ANKRD17: variants seen among roughly 807,000 people sequenced by gnomAD.
The protein encoded by ANKRD17 is ankyrin repeat domain-containing protein 17.
A neutral mutation model predicts 229.7 loss-of-function variants in ANKRD17; 19 were observed. That is an observed-to-expected ratio of 0.08 (90% CI 0.06 to 0.12). ANKRD17 has a LOEUF of 0.12. Among genes scored for constraint, ANKRD17 ranks in the 10% least tolerant of loss-of-function variants. The pLI is 1.00. For synonymous variants in ANKRD17, 1,112 were observed against 1,146.1 expected (o/e 0.97, Z 0.60); for missense variants, 2,176 against 3,176.8 (o/e 0.68, Z 7.57).
At chr4:73,255,735 T>C (rs1745394471) in intron 1 of ANKRD17, among the ~76,000 whole-genome samples, 1 of 152,170 alleles carries the variant, frequency 6.6e-6, no homozygotes, top group Non-Finnish European at 1.5e-5. Context: ...ACACTTTTTT[T>C]TTTTTGAGAC....
intron 1 of ANKRD17, among the ~76,000 whole-genome samples, chr4:73,195,399 C>T (rs1282873390): frequency 2.0e-5 from 3 of 152,064 alleles, no homozygotes; most frequent in African/African-American, 7.2e-5. Flanking sequence ...AATGTAATCC[C>T]TCATCATATA....
rs36126530 is a variant in ANKRD17, at chr4:73,208,188, CAAAAAAAAAA to C, written c.394-30665_394-30656del. ...TGGGCGACACAGCGAGACTCCGTCT[CAAAAAAAAAA>C]AAAAAAAAAAAAAACTTGAACATTA... On this transcript the variant is annotated intron_variant, in intron 1 of 33. Transcript: ENST00000358602. Among the ~76,000 whole-genome samples the C allele has an allele frequency of 1.0e-3, 71 of 67,964 alleles. No homozygotes were observed. In the East Asian group the frequency reaches 0.03, roughly 29 times the overall value. The allele number at this position is 67,964 out of a possible 152,430, so 44.6% of individuals were successfully genotyped here. A position where few individuals can be genotyped will look rare whatever the true frequency, so the allele number is the denominator to read the frequency against.
chr4:73,158,186 A>AAGAAAGAAAGAAAGAAAGAAAGAAAGAG (rs963284200), intron 3 of ANKRD17, among the ~76,000 whole-genome samples: 121 of 112,026 alleles, frequency 1.1e-3, no homozygotes, highest in African/African-American at 1.6e-3. Context: ...GAAAGAAAGA[A>AAGAAAGAAAGAAAGAAAGAAAGAAAGAG]AGAGAGAGAA....
intron 23 of ANKRD17, among the ~76,000 whole-genome samples, chr4:73,115,186 T>C (rs1357318608): frequency 6.6e-6 from 1 of 152,242 alleles, no homozygotes; most frequent in Non-Finnish European, 1.5e-5. Context: ...GGTATCAGTC[T>C]GGATAAACAC....
At chr4:73,170,693 TG>T (rs1733874449) in intron 2 of ANKRD17, among the ~76,000 whole-genome samples, 1 of 152,158 alleles carries the variant, frequency 6.6e-6, no homozygotes, top group Non-Finnish European at 1.5e-5. Context: ...ACAAGCTGAC[TG>T]AAGAGCCCTT....
At chr4:73,232,380 C>T (rs1048188384) in intron 1 of ANKRD17, among the ~76,000 whole-genome samples, 1 of 152,116 alleles carries the variant, frequency 6.6e-6, no homozygotes, top group African/African-American at 2.4e-5. Context: ...TTTAGAGGCA[C>T]TGGAAGGAAG....
intron 29 of ANKRD17, 138 bp downstream of exon 29, chr4:73,090,529 C>A (rs1722692864): frequency 9.4e-7 from 1 of 1,067,626 alleles, no homozygotes; most frequent in Non-Finnish European, 1.3e-6. Flanking sequence ...TAAACACAAA[C>A]AACAGCATCT....
intron 24 of ANKRD17, 90 bp from the exon 25 acceptor site, chr4:73,102,637 T>C (rs567063042): frequency 2.1e-6 from 3 of 1,443,522 alleles, no homozygotes; most frequent in South Asian, 1.3e-5. Context: ...AAGGAAACCA[T>C]GATATCATAA....
intron 1 of ANKRD17, among the ~76,000 whole-genome samples, chr4:73,188,441 C>T (rs1376906764): frequency 2.6e-5 from 4 of 151,882 alleles, no homozygotes; most frequent in East Asian, 1.9e-4. Flanking sequence ...AAAAATTAGC[C>T]GGGCATGGTG....
intron 1 of ANKRD17, among the ~76,000 whole-genome samples, chr4:73,200,146 A>T (rs1226252904): frequency 1.3e-5 from 2 of 152,158 alleles, no homozygotes; most frequent in Non-Finnish European, 2.9e-5. Flanking sequence ...CCCATCTGAA[A>T]TTTTTTATAA....
At chr4:73,094,661 A>G (rs2110182242) in intron 27 of ANKRD17, among the ~76,000 whole-genome samples, 1 of 150,906 alleles carries the variant, frequency 6.6e-6, no homozygotes, top group African/African-American at 2.4e-5. Flanking sequence ...TGTATTATAT[A>G]TACATATATG....
At chr4:73,252,184 G>GTA (rs1745089231) in intron 1 of ANKRD17, among the ~76,000 whole-genome samples, 2 of 152,220 alleles carry the variant, frequency 1.3e-5, no homozygotes, top group African/African-American at 4.8e-5. Context: ...ACATGGTACT[G>GTA]TATAGCAGGA....
At chr4:73,246,536 G>C (rs546617885) in intron 1 of ANKRD17, among the ~76,000 whole-genome samples, 4 of 152,216 alleles carry the variant, frequency 2.6e-5, no homozygotes, top group East Asian at 3.9e-4. Context: ...TGGCCAGAAG[G>C]GTGAGCCCAA....
At chr4:73,220,835 AC>A (rs1247333131) in intron 1 of ANKRD17, among the ~76,000 whole-genome samples, 2 of 152,266 alleles carry the variant, frequency 1.3e-5, no homozygotes, top group South Asian at 4.1e-4. Flanking sequence ...CAATAATAAA[AC>A]TGTCACTGTG....
intron 16 of ANKRD17, among the ~76,000 whole-genome samples, chr4:73,133,606 C>T (rs1484743390): frequency 2.6e-5 from 4 of 151,908 alleles, no homozygotes; most frequent in East Asian, 3.9e-4. Flanking sequence ...GTTGGCCAGG[C>T]TGGTCTCAAA....
chr4:73,079,721 A>G (rs1410721449), intron 30 of ANKRD17, among the ~76,000 whole-genome samples: 1 of 152,220 alleles, frequency 6.6e-6, no homozygotes, highest in Non-Finnish European at 1.5e-5. Flanking sequence ...ACTTATGCAA[A>G]CAAGGTGGAT....
At chr4:73,178,274 GC>G (rs1362039863) in intron 1 of ANKRD17, among the ~76,000 whole-genome samples, 1 of 152,142 alleles carries the variant, frequency 6.6e-6, no homozygotes, top group Admixed American at 6.5e-5. Flanking sequence ...GGGAAAAAAG[GC>G]TAATTCACCT....
At chr4:73,139,387 G>A (rs1302822651) in intron 15 of ANKRD17, 144 bp downstream of exon 15, 2 of 923,628 alleles carry the variant, frequency 2.2e-6, no homozygotes, top group African/African-American at 1.7e-5. Flanking sequence ...GAGAACTTCT[G>A]AGATTGAACT....
At chr4:73,218,683 T>G (rs938515722) in intron 1 of ANKRD17, among the ~76,000 whole-genome samples, 5 of 151,508 alleles carry the variant, frequency 3.3e-5, no homozygotes, top group Non-Finnish European at 5.9e-5. Flanking sequence ...GGCAGACATT[T>G]CTTCTTCATC....
Sources: gnomAD v4.1 joint callset for allele counts (sites outside exome capture counted in the v4.1 genomes callset) on GRCh38, gnomAD v4.1.1 for gene constraint, MANE v1.5 for transcripts, NCBI Gene and HGNC (gene_info 2026-07-23, HGNC 2026-07-21) for gene names.